MYOG: variants seen among roughly 807,000 people sequenced by gnomAD.
MYOG encodes myogenin, also known as class C basic helix-loop-helix protein 3.
Under a neutral mutation model 17.7 loss-of-function variants are expected in MYOG, and 6 were observed. The observed-to-expected ratio is 0.34, with a 90% CI of 0.19 to 0.67. The LOEUF (loss-of-function observed/expected upper bound fraction) is 0.67, where lower values mean the gene tolerates loss of function less well. Ranked by LOEUF, MYOG falls within the 30% of genes least tolerant of loss-of-function variation. The probability of loss-of-function intolerance (pLI) is 0.69; values close to 1 mark genes in which losing one functional copy is unlikely to be tolerated. For missense variants in MYOG, 272 were observed against 302.0 expected (o/e 0.90, Z 0.74); for synonymous variants, 125 against 130.2 (o/e 0.96, Z 0.27).
Position 203,083,518 on chromosome 1 carries a change from G to A in MYOG, c.*392C>T, listed in dbSNP as rs974902569. Reference sequence around the variant, plus strand: ...TCGGGAAGAGACCAGAACAGGAGACGTGCACAGCTTGTCCAGGTCAGGGCA... The same window carrying A: ...TCGGGAAGAGACCAGAACAGGAGACATGCACAGCTTGTCCAGGTCAGGGCA... On this transcript the variant is annotated 3_prime_UTR_variant, in exon 3 of 3. Transcript: ENST00000241651. The A allele has an allele frequency of 3.0e-5, 14 of 468,538 alleles. No homozygotes were observed. The highest frequency in any genetic ancestry group is 9.0e-5 in the East Asian group (3 of 33,280). 29.0% of individuals were successfully genotyped at this position (468,538 alleles called of 1,614,324 possible).
chr1:203,085,265 C>T lies in MYOG; in HGVS notation c.471+226G>A, dbSNP rs141584168. Reference sequence around the variant, plus strand: ...TCAGTCCTATGTTCCCCACCCCAACCCCTTCTGCACTTCCTCCCCACTGCC... The same window carrying T: ...TCAGTCCTATGTTCCCCACCCCAACTCCTTCTGCACTTCCTCCCCACTGCC... On this transcript the variant is annotated intron_variant, in intron 1 of 2. Transcript: ENST00000241651. 2.1e-3 allele frequency among the ~76,000 whole-genome samples: 327 copies of T among 152,358 alleles called. 1 individual carries two copies. The highest frequency in any genetic ancestry group is 6.7e-3 in the Admixed American group (102 of 15,302).
Position 203,083,645 on chromosome 1 carries a change from G to T in MYOG, c.*265C>A. On this transcript the variant is annotated 3_prime_UTR_variant, in exon 3 of 3. Transcript: ENST00000241651. ...GCCCCCTGAGCTGGGGCATACACGAGGGGGCGCTCTGGTCCCCTGCTTTAC... is the reference window on the plus strand; with the variant it reads ...GCCCCCTGAGCTGGGGCATACACGATGGGGCGCTCTGGTCCCCTGCTTTAC... 1 of 577,498 alleles carries T rather than the reference G, an allele frequency of 1.7e-6. No individual in the cohort carries two copies. Among genetic ancestry groups the T allele is most frequent in the Non-Finnish European group, 3.1e-6 (1 of 326,026 alleles). The allele number at this position is 577,498 out of a possible 1,614,324, so 35.8% of individuals were successfully genotyped here. A position where few individuals can be genotyped will look rare whatever the true frequency, so the allele number is the denominator to read the frequency against.
intron 2 of MYOG, 103 bp from the exon 3 acceptor site, chr1:203,084,134 A>T: frequency 1.4e-6 from 2 of 1,444,220 alleles, no homozygotes; most frequent in Non-Finnish European, 1.9e-6. Context: ...TTTCCAGGAC[A>T]GATGAATGAC....
At position 203,083,887 on chromosome 1, in the gene MYOG, G is replaced by A. The variant is rs201992020; in HGVS notation, c.*23C>T. The A allele has an allele frequency of 2.2e-5, 34 of 1,581,066 alleles. No individual in the cohort carries two copies. The East Asian group carries it at 7.7e-4, about 36-fold the overall frequency. On this transcript the variant is annotated 3_prime_UTR_variant, in exon 3 of 3. Coordinates refer to ENST00000241651, the MANE Select transcript of MYOG (RefSeq NM_002479.6). Reference sequence around the variant, plus strand: ...GTGGCCAGCTTGGGGGGCTCGCAAGGATGCCCGGCTTGGAAGACAATCTCA... The same window carrying A: ...GTGGCCAGCTTGGGGGGCTCGCAAGAATGCCCGGCTTGGAAGACAATCTCA...
chr1:203,084,784 C>T, intron 1 of MYOG, 56 bp from the exon 2 acceptor site: 1 of 1,519,426 alleles, frequency 6.6e-7, no homozygotes, highest in Non-Finnish European at 9.0e-7. Context: ...TGATGTCTCT[C>T]TCTGCCTAGT....
At chr1:203,084,612 A>G (rs953786583) in intron 2 of MYOG, 35 bp downstream of exon 2, 26 of 1,566,962 alleles carry the variant, frequency 1.7e-5, no homozygotes, top group Non-Finnish European at 2.0e-5. Context: ...GGACTGAGGG[A>G]TTGGAGCCAA....
chr1:203,084,707 G>A lies in MYOG; in HGVS notation c.493C>T (p.His165Tyr). 6.2e-7 allele frequency: 1 copy of A among 1,610,880 alleles called. No homozygotes were observed. Among genetic ancestry groups the A allele is most frequent in the Non-Finnish European group, 8.5e-7 (1 of 1,178,560 alleles). Residue 165 changes from histidine (H) to tyrosine (Y), a missense_variant, in exon 2 of 3, where the codon CAC becomes TAC. Coordinates refer to ENST00000241651, the MANE Select transcript of MYOG (RefSeq NM_002479.6). ...QPGVPSECSS[H>Y]SASCSPEWGS... is the part of the protein sequence containing the mutation. ...CACTCTGGACTGCAGGAGGCGCTGT[G>A]AGAGCTGCATTCGCTGGGCACCTGC...
chr1:203,084,126 T>C, intron 2 of MYOG, 95 bp from the exon 3 acceptor site: 3 of 1,478,496 alleles, frequency 2.0e-6, no homozygotes, highest in Non-Finnish European at 2.7e-6. Flanking sequence ...ACAGAGGTTT[T>C]CCAGGACAGA....
At position 203,085,726 on chromosome 1, in the gene MYOG, G is replaced by A; in HGVS notation, c.236C>T (p.Ser79Phe). Residue 79 changes from serine (S) to phenylalanine (F), a missense_variant, in exon 1 of 3, where the codon TCC becomes TTC. Ser to Phe is a radical substitution (Grantham distance 155, BLOSUM62 -2). Transcript: ENST00000241651. ...TGTGGCCGCCCGCCGCCGGTCCACG[G>A]ACACCGACTTCCTCTTACACACCTT... is the stretch of plus-strand genomic sequence containing the variant. ...ACKVCKRKSV[S>F]VDRRRAATLR... is the part of the protein sequence containing the mutation. 1.2e-6 allele frequency: 2 copies of A among 1,614,136 alleles called. No homozygotes were observed. The highest frequency in any genetic ancestry group is 1.7e-6 in the Non-Finnish European group (2 of 1,180,006).
At chr1:203,085,191 A>T (rs1481181348) in intron 1 of MYOG, among the ~76,000 whole-genome samples, 1 of 152,168 alleles carries the variant, frequency 6.6e-6, no homozygotes, top group Non-Finnish European at 1.5e-5. Flanking sequence ...CGCTGGGATT[A>T]ATCCTCACCC....
At position 203,083,818 on chromosome 1, in the gene MYOG, G is replaced by A. The variant is rs116124975; in HGVS notation, c.*92C>T. ...CCAGAGCTGGCTTCCTAGCATCAGG[G>A]CAGCCTGGCTTAGGAGGCCCCTGCT... On this transcript the variant is annotated 3_prime_UTR_variant, in exon 3 of 3. Transcript: ENST00000241651. The A allele has an allele frequency of 2.8e-4, 422 of 1,529,922 alleles. 2 individuals carry two copies. In the African/African-American group the frequency reaches 5.1e-3, roughly 19 times the overall value. The allele number at this position is 1,529,922 out of a possible 1,614,324, so 94.8% of individuals were successfully genotyped here. A position where few individuals can be genotyped will look rare whatever the true frequency, so the allele number is the denominator to read the frequency against.
chr1:203,084,559 G>T, intron 2 of MYOG, 88 bp downstream of exon 2: 1 of 1,207,186 alleles, frequency 8.3e-7, no homozygotes, highest in Non-Finnish European at 1.2e-6. Context: ...GAAGAGGACC[G>T]GAGCAAGGAA....
At position 203,085,712 on chromosome 1, in the gene MYOG, G is replaced by A; in HGVS notation, c.250C>T (p.Arg84Trp). 2 of 1,614,122 alleles carry A rather than the reference G, an allele frequency of 1.2e-6. No individual in the cohort carries two copies. The highest frequency in any genetic ancestry group is 1.6e-4 in the Middle Eastern group (1 of 6,062). Residue 84 changes from arginine (R) to tryptophan (W), a missense_variant, in exon 1 of 3, where the codon CGG (arginine) becomes TGG (tryptophan). By Grantham distance (101) the Arg-to-Trp change is moderately radical. Coordinates refer to ENST00000241651, the MANE Select transcript of MYOG (RefSeq NM_002479.6). ...KRKSVSVDRR[R>W]AATLREKRRL... ...CGCTTCTCCCTCAGTGTGGCCGCCC[G>A]CCGCCGGTCCACGGACACCGACTTC...
rs1288969444 is a variant in MYOG at position 203,083,886 on chromosome 1, G to A, written c.*24C>T. ...TGTGGCCAGCTTGGGGGGCTCGCAA[G>A]GATGCCCGGCTTGGAAGACAATCTC... On this transcript the variant is annotated 3_prime_UTR_variant, in exon 3 of 3. Coordinates refer to ENST00000241651, the MANE Select transcript of MYOG (RefSeq NM_002479.6). The A allele has an allele frequency of 6.3e-7, 1 of 1,580,650 alleles. No individual in the cohort carries two copies. Among genetic ancestry groups the A allele is most frequent in the Non-Finnish European group, 8.6e-7 (1 of 1,162,388 alleles).
Position 203,085,878 on chromosome 1 carries a change from C to T in MYOG, c.84G>A (p.Gln28=). 2.5e-6 allele frequency: 4 copies of T among 1,613,766 alleles called. No homozygotes were observed. Among genetic ancestry groups the T allele is most frequent in the Non-Finnish European group, 3.4e-6 (4 of 1,179,862 alleles). ...DGENYLPVHL[Q]GFEPPGYERT... ...GCTCGTAGCCTGGTGGTTCGAAGCC[C>T]TGGAGGTGGACAGGCAGGTAGTTTT... Residue 28 remains glutamine (Q), a synonymous_variant, in exon 1 of 3, where the codon CAG becomes CAA. Coordinates refer to ENST00000241651, the MANE Select transcript of MYOG (RefSeq NM_002479.6).
rs1237239394 is a variant in MYOG at position 203,083,454 on chromosome 1, C to T, written c.*456G>A. On this transcript the variant is annotated 3_prime_UTR_variant, in exon 3 of 3. Coordinates refer to ENST00000241651, the MANE Select transcript of MYOG (RefSeq NM_002479.6). ...AGAGGGCTGTTCCTCTCCCCTTCTT[C>T]TCTCTCAATTCAGGGCAGGCCCAGC... is the stretch of plus-strand genomic sequence containing the variant. The T allele has an allele frequency of 1.3e-5, 5 of 394,594 alleles. No individual in the cohort carries two copies. The highest frequency in any genetic ancestry group is 2.0e-5 in the African/African-American group (1 of 48,994). 24.4% of individuals were successfully genotyped at this position (394,594 alleles called of 1,614,324 possible). A position where few individuals can be genotyped will look rare whatever the true frequency, so the allele number is the denominator to read the frequency against.
rs1318494637 is a variant in MYOG, at chr1:203,083,325, G to T, written c.*585C>A. On this transcript the variant is annotated 3_prime_UTR_variant, in exon 3 of 3. Coordinates refer to ENST00000241651, the MANE Select transcript of MYOG (RefSeq NM_002479.6). ...ACTTCAGCACAGGAGACCTTGGTCGGATGGCAGCTTTACAAACAACACACG... is the reference window on the plus strand; with the variant it reads ...ACTTCAGCACAGGAGACCTTGGTCGTATGGCAGCTTTACAAACAACACACG... The T allele has an allele frequency of 1.1e-5, 2 of 188,316 alleles. No individual in the cohort carries two copies. The highest frequency in any genetic ancestry group is 6.1e-5 in the Admixed American group (1 of 16,362). The allele number at this position is 188,316 out of a possible 1,614,324, so 11.7% of individuals were successfully genotyped here.
At chr1:203,084,757 G>C (rs779922806) in intron 1 of MYOG, 29 bp from the exon 2 acceptor site, 2 of 1,577,224 alleles carry the variant, frequency 1.3e-6, no homozygotes, top group Non-Finnish European at 1.7e-6. Flanking sequence ...GCCCAAGGTC[G>C]GGGCACAGCC....
intron 2 of MYOG, 111 bp downstream of exon 2, chr1:203,084,536 G>A (rs1653573888): frequency 7.9e-6 from 8 of 1,007,850 alleles, no homozygotes; most frequent in Non-Finnish European, 1.2e-5. Context: ...CAGGTCCCTA[G>A]AGAGACCCAA....
Sources: gnomAD v4.1 joint callset for allele counts (sites outside exome capture counted in the v4.1 genomes callset) on GRCh38, gnomAD v4.1.1 for gene constraint, MANE v1.5 for transcripts, NCBI Gene and HGNC (gene_info 2026-07-23, HGNC 2026-07-21) for gene names.